The following CHAF1B variants were observed in gnomAD, a reference collection of about 807,000 sequenced individuals.
CHAF1B encodes chromatin assembly factor 1 subunit B.
CHAF1B carries 10 observed loss-of-function variants against 60.7 expected under a neutral mutation model. That is an observed-to-expected ratio of 0.16 (90% CI 0.10 to 0.28). CHAF1B has a LOEUF of 0.28. Among genes scored for constraint, CHAF1B ranks in the 10% least tolerant of loss-of-function variants. CHAF1B has a pLI of 1.00. For synonymous variants in CHAF1B, 261 were observed against 266.1 expected (o/e 0.98, Z 0.19); for missense variants, 558 against 708.4 (o/e 0.79, Z 2.41).
At chr21:36,390,459 C>G (rs1293557338) in intron 3 of CHAF1B, among the ~76,000 whole-genome samples, 1 of 152,010 alleles carries the variant, frequency 6.6e-6, no homozygotes, top group Middle Eastern at 3.4e-3. Context: ...CAGAAGGTTA[C>G]GTGGTAATCG....
At chr21:36,409,779 T>C (rs979233383) in intron 10 of CHAF1B, among the ~76,000 whole-genome samples, 1 of 151,840 alleles carries the variant, frequency 6.6e-6, no homozygotes, top group African/African-American at 2.4e-5. Flanking sequence ...ATTACAGGTG[T>C]GAGCCCCTGT....
chr21:36,395,725 T>G (rs1412102846), intron 5 of CHAF1B, among the ~76,000 whole-genome samples: 1 of 152,202 alleles, frequency 6.6e-6, no homozygotes, highest in South Asian at 2.1e-4. Context: ...TGAAAAGTTA[T>G]AGTGGTGTGA....
chr21:36,388,287 CA>C (rs937486011), intron 3 of CHAF1B, among the ~76,000 whole-genome samples: 5 of 152,122 alleles, frequency 3.3e-5, no homozygotes, highest in Non-Finnish European at 5.9e-5. Flanking sequence ...AAGCTCCCAC[CA>C]GGCTGTTCTA....
Position 36,412,980 on chromosome 21 carries a change from G to C in CHAF1B, c.1158G>C (p.Glu386Asp). The change falls in exon 12 of 14, where the codon GAG (glutamate) becomes GAC (aspartate). Residue 386 changes from glutamate (E) to aspartate (D), a missense_variant. By Grantham distance (45) the Glu-to-Asp change is conservative (BLOSUM62 2). Transcript: ENST00000314103. ...ATGAACTTGGAATTCCTTTGAAAGA[G>C]AAGCCAGTTTTGAACATGAGAACTC... ...EKDELGIPLK[E>D]KPVLNMRTPD... is the part of the protein sequence containing the mutation. The C allele has an allele frequency of 6.2e-7, 1 of 1,614,196 alleles. No homozygotes were observed. The highest frequency in any genetic ancestry group is 8.5e-7 in the Non-Finnish European group (1 of 1,180,048).
Position 36,409,352 on chromosome 21 carries a change from AAC to A in CHAF1B, c.828-19_828-18del. The A allele has an allele frequency of 6.3e-7, 1 of 1,596,506 alleles. No homozygotes were observed. The highest frequency in any genetic ancestry group is 8.6e-7 in the Non-Finnish European group (1 of 1,165,396). ...TTGCTTAGTCACAGTGCCTTTTCCT[AAC>A]ACTGCAATTAATCCATTAGGCCCAT... On this transcript the variant is annotated intron_variant, in intron 9 of 13. Coordinates refer to ENST00000314103, the MANE Select transcript of CHAF1B (RefSeq NM_005441.3).
At chr21:36,404,297 C>T (rs1173729767) in intron 8 of CHAF1B, among the ~76,000 whole-genome samples, 14 of 150,612 alleles carry the variant, frequency 9.3e-5, no homozygotes, top group Non-Finnish European at 3.0e-5. Flanking sequence ...GACGGGGTTT[C>T]ACCATGTTGG....
intron 5 of CHAF1B, among the ~76,000 whole-genome samples, chr21:36,394,872 C>T (rs928002299): frequency 6.6e-6 from 1 of 151,646 alleles, no homozygotes; most frequent in Non-Finnish European, 1.5e-5. Context: ...GCTGGGACTA[C>T]AGGCATGCAC....
At chr21:36,394,706 G>C in intron 5 of CHAF1B, 56 bp downstream of exon 5, 4 of 1,091,888 alleles carry the variant, frequency 3.7e-6, no homozygotes, top group African/African-American at 1.6e-5. Flanking sequence ...ATCTATAAAA[G>C]CCTAAAAGTC....
rs183277709 is a variant in CHAF1B, at chr21:36,408,948, G to A, written c.827+118G>A. 1,188 of 648,932 alleles carry A rather than the reference G, an allele frequency of 1.8e-3. 9 individuals carry two copies. In the African/African-American group the frequency reaches 0.02, roughly 11 times the overall value. The allele number at this position is 648,932 out of a possible 1,614,324, so 40.2% of individuals were successfully genotyped here. ...CTGCTCACTGCAACCTCTGCCTCCCGGGTTCAAGTGATTCTCCTGCCTCAG... is the reference window on the plus strand; with the variant it reads ...CTGCTCACTGCAACCTCTGCCTCCCAGGTTCAAGTGATTCTCCTGCCTCAG... On this transcript the variant is annotated intron_variant, in intron 9 of 13. Coordinates refer to ENST00000314103, the MANE Select transcript of CHAF1B (RefSeq NM_005441.3).
Position 36,387,757 on chromosome 21 carries a change from C to T in CHAF1B, c.259+27C>T, listed in dbSNP as rs540662217. 1.6e-5 allele frequency: 26 copies of T among 1,610,884 alleles called. No individual in the cohort carries two copies. The African/African-American group carries it at 3.1e-4, about 19-fold the overall frequency. The stretch of plus-strand genomic sequence containing the variant: ...TGAGTATTGCTGTCCTTCAGAGATT[C>T]TTCGGGAACCAGATAGATACCTGTG... On this transcript the variant is annotated intron_variant, in intron 3 of 13. Coordinates refer to ENST00000314103, the MANE Select transcript of CHAF1B (RefSeq NM_005441.3).
chr21:36,408,502 C>T (rs919143845), intron 8 of CHAF1B, among the ~76,000 whole-genome samples: 2 of 152,152 alleles, frequency 1.3e-5, no homozygotes, highest in Non-Finnish European at 2.9e-5. Context: ...ATGTTCTCCT[C>T]GCCCAAGATC....
intron 10 of CHAF1B, among the ~76,000 whole-genome samples, chr21:36,410,834 T>TA (rs1292913081): frequency 6.6e-6 from 1 of 152,092 alleles, no homozygotes; most frequent in Non-Finnish European, 1.5e-5. Flanking sequence ...CTACTTTTTT[T>TA]ATTTTTAGTA....
At chr21:36,391,861 T>G (rs2086091567) in intron 4 of CHAF1B, among the ~76,000 whole-genome samples, 193 bp downstream of exon 4, 1 of 150,216 alleles carries the variant, frequency 6.7e-6, no homozygotes, top group Admixed American at 6.7e-5. Flanking sequence ...ACCTCCCAAA[T>G]AGCTGGGACT....
intron 2 of CHAF1B, among the ~76,000 whole-genome samples, chr21:36,386,615 G>T (rs1254084001): frequency 6.6e-6 from 1 of 152,156 alleles, no homozygotes; most frequent in Non-Finnish European, 1.5e-5. Flanking sequence ...ATGAATGAAT[G>T]AATTAACGTA....
At chr21:36,396,851 T>C (rs1265514217) in intron 5 of CHAF1B, among the ~76,000 whole-genome samples, 2 of 152,144 alleles carry the variant, frequency 1.3e-5, no homozygotes, top group Non-Finnish European at 2.9e-5. Context: ...TTTGTCATCT[T>C]CTAAACCTGT....
chr21:36,406,622 A>G (rs912073221), intron 8 of CHAF1B, among the ~76,000 whole-genome samples: 14 of 151,962 alleles, frequency 9.2e-5, no homozygotes, highest in African/African-American at 3.4e-4. Flanking sequence ...AATTGTATGT[A>G]GTTGTGTATG....
chr21:36,413,662 C>G (rs1015112158), intron 12 of CHAF1B, among the ~76,000 whole-genome samples: 3 of 152,216 alleles, frequency 2.0e-5, no homozygotes, highest in African/African-American at 7.2e-5. Flanking sequence ...ACTCTCTGCC[C>G]TTTGAGGCCT....
In CHAF1B at chr21:36,402,786, A is replaced by G; in HGVS notation, c.692A>G (p.Asp231Gly). ...AGAAGCTACCGGATGTTTCACGACG[A>G]CAGCATGAAGTCTTTCTTCCGTAGA... is the stretch of plus-strand genomic sequence containing the variant. Reference protein sequence around the residue: ...EARSYRMFHDDSMKSFFRRLS... With the variant: ...EARSYRMFHDGSMKSFFRRLS... The change falls in exon 8 of 14, where the codon GAC becomes GGC. Residue 231 changes from aspartate to glycine, a missense_variant. Physicochemically the swap from Asp to Gly is moderately conservative, Grantham distance 94. Coordinates refer to ENST00000314103, the MANE Select transcript of CHAF1B (RefSeq NM_005441.3). The G allele has an allele frequency of 5.6e-6, 9 of 1,614,004 alleles. No individual in the cohort carries two copies. The highest frequency in any genetic ancestry group is 7.6e-6 in the Non-Finnish European group (9 of 1,179,916).
At chr21:36,394,795 G>C (rs948072828) in intron 5 of CHAF1B, 145 bp downstream of exon 5, 2 of 557,762 alleles carry the variant, frequency 3.6e-6, no homozygotes, top group Non-Finnish European at 6.2e-6. Context: ...GCAGTGGTGC[G>C]ATCTTGGTTC....
Sources: allele counts gnomAD v4.1 joint callset (sites outside exome capture counted in the v4.1 genomes callset), GRCh38; gene constraint gnomAD v4.1.1; transcripts MANE v1.5; gene names NCBI Gene and HGNC (gene_info 2026-07-23, HGNC 2026-07-21).